The following TRIO variants were observed in gnomAD, a reference collection of about 807,000 sequenced individuals.
TRIO encodes triple functional domain protein.
Under a neutral mutation model 351.9 loss-of-function variants are expected in TRIO, and 58 were observed. The observed-to-expected ratio is 0.16, with a 90% CI of 0.13 to 0.21. The LOEUF (loss-of-function observed/expected upper bound fraction) is 0.21. Ranked by LOEUF, TRIO falls within the 10% of genes least tolerant of loss-of-function variation. The pLI is 1.00. For synonymous variants in TRIO, 1,758 were observed against 1,595.7 expected, an observed-to-expected ratio of 1.10 and a Z score of -2.42; for missense variants, 3,201 against 4,027.8, an observed-to-expected ratio of 0.79 and a Z score of 5.56.
intron 1 of TRIO, among the ~76,000 whole-genome samples, chr5:14,240,458 C>T (rs1794060257): frequency 1.3e-5 from 2 of 152,238 alleles, no homozygotes; most frequent in Middle Eastern, 3.4e-3. Flanking sequence ...AGCTGTTTTC[C>T]CGTTCTTTTA....
intron 1 of TRIO, among the ~76,000 whole-genome samples, chr5:14,146,411 C>T (rs1028031992): frequency 6.6e-6 from 1 of 152,250 alleles, no homozygotes; most frequent in Non-Finnish European, 1.5e-5. Context: ...TTTCCTTTCT[C>T]AGCCCTGAAA....
rs781081298 is a variant in TRIO at position 14,487,764 on chromosome 5, C to A, written c.7136C>A (p.Pro2379His). The A allele has an allele frequency of 1.1e-5, 15 of 1,376,696 alleles. No homozygotes were observed. The highest frequency in any genetic ancestry group is 1.3e-5 in the Non-Finnish European group (14 of 1,061,906). The allele number at this position is 1,376,696 out of a possible 1,614,324, so 85.3% of individuals were successfully genotyped here. ...TSTPGPSLPP[P>H]GAAPEAGPSA... ...ACCCCCGGGCCCTCCCTGCCTCCCC[C>A]TGGCGCGGCCCCCGAGGCCGGCCCC... Residue 2379 changes from proline to histidine, a missense_variant, in exon 48 of 57, where the codon CCT (proline) becomes CAT (histidine). Physicochemically the swap from Pro to His is moderately conservative, Grantham distance 77. Coordinates refer to ENST00000344204, the MANE Select transcript of TRIO (RefSeq NM_007118.4).
intron 1 of TRIO, among the ~76,000 whole-genome samples, chr5:14,255,532 G>A (rs1038104506): frequency 1.2e-4 from 18 of 152,302 alleles, no homozygotes; most frequent in African/African-American, 3.4e-4. Flanking sequence ...ACGGGAGAAC[G>A]CAAGTACAGT....
intron 2 of TRIO, among the ~76,000 whole-genome samples, chr5:14,278,559 A>T (rs1735734015): frequency 6.6e-6 from 1 of 152,260 alleles, no homozygotes; most frequent in South Asian, 2.1e-4. Context: ...TATTTTTAAT[A>T]ATTCAAGTTT....
chr5:14,218,636 G>A (rs1274315014), intron 1 of TRIO, among the ~76,000 whole-genome samples: 1 of 152,330 alleles, frequency 6.6e-6, no homozygotes, highest in Non-Finnish European at 1.5e-5. Flanking sequence ...GCTGGAGCAG[G>A]GGCCCCTCCC....
At chr5:14,502,304 TATTTA>T (rs1385192515) in intron 53 of TRIO, among the ~76,000 whole-genome samples, 4 of 152,222 alleles carry the variant, frequency 2.6e-5, no homozygotes, top group South Asian at 2.1e-4. Context: ...TACTAACATG[TATTTA>T]ATTTAATGAA....
intron 1 of TRIO, among the ~76,000 whole-genome samples, chr5:14,182,252 G>A (rs1349959134): frequency 6.6e-6 from 1 of 152,212 alleles, no homozygotes; most frequent in Non-Finnish European, 1.5e-5. Flanking sequence ...GGCTCAGGGA[G>A]AGAGAGTGCA....
At chr5:14,161,763 G>A (rs1423844132) in intron 1 of TRIO, among the ~76,000 whole-genome samples, 1 of 152,194 alleles carries the variant, frequency 6.6e-6, no homozygotes, top group Non-Finnish European at 1.5e-5. Context: ...GTCTCACCCT[G>A]TCACCCAGGC....
intron 10 of TRIO, among the ~76,000 whole-genome samples, chr5:14,332,408 G>A (rs751252401): frequency 2.0e-5 from 3 of 152,170 alleles, no homozygotes; most frequent in Non-Finnish European, 4.4e-5. Flanking sequence ...CTTTTGCAAG[G>A]AGGATAACTG....
intron 8 of TRIO, among the ~76,000 whole-genome samples, chr5:14,308,719 G>GTGCATCCA (rs1554052771): frequency 5.9e-4 from 74 of 125,092 alleles, no homozygotes; most frequent in African/African-American, 2.6e-3. Flanking sequence ...CCATTCATTT[G>GTGCATCCA]TCCATCCATC....
intron 33 of TRIO, chr5:14,418,693 A>T (rs1407151990): frequency 6.5e-6 from 1 of 153,058 alleles, no homozygotes; most frequent in Non-Finnish European, 1.5e-5. Flanking sequence ...GCTCGGGAGG[A>T]GTCAGCTTGA....
intron 34 of TRIO, among the ~76,000 whole-genome samples, chr5:14,446,226 TAAC>T (rs1752430785): frequency 6.6e-6 from 1 of 152,068 alleles, no homozygotes; most frequent in Admixed American, 6.5e-5. Flanking sequence ...CAGGAAGACT[TAAC>T]AACAGGAAGG....
intron 44 of TRIO, 78 bp from the exon 45 acceptor site, chr5:14,481,463 C>T (rs569897822): frequency 4.6e-5 from 71 of 1,551,312 alleles, no homozygotes; most frequent in Non-Finnish European, 1.8e-6. Context: ...AACAGAACTT[C>T]ATCAGGTCAG....
At chr5:14,371,988 T>C (rs2152346348) in intron 18 of TRIO, among the ~76,000 whole-genome samples, 1 of 152,242 alleles carries the variant, frequency 6.6e-6, no homozygotes, top group Non-Finnish European at 1.5e-5. Flanking sequence ...TCAAACAGGG[T>C]CCACATATTG....
At chr5:14,441,701 A>C (rs1284116277) in intron 34 of TRIO, among the ~76,000 whole-genome samples, 1 of 152,194 alleles carries the variant, frequency 6.6e-6, no homozygotes, top group African/African-American at 2.4e-5. Flanking sequence ...AAATTGCCTT[A>C]TGATTTTAGT....
chr5:14,374,011 G>A (rs1745347513), intron 18 of TRIO, among the ~76,000 whole-genome samples: 1 of 152,188 alleles, frequency 6.6e-6, no homozygotes, highest in Non-Finnish European at 1.5e-5. Flanking sequence ...CCTCTCTATA[G>A]GGCAGAATGT....
At chr5:14,291,319 G>A (rs1561299329) in intron 5 of TRIO, 91 bp downstream of exon 5, 1 of 1,376,882 alleles carries the variant, frequency 7.3e-7, no homozygotes, top group East Asian at 2.4e-5. Flanking sequence ...GGTGGAGAAT[G>A]GTAAGGCTAT....
At chr5:14,220,209 A>G (rs1391760035) in intron 1 of TRIO, among the ~76,000 whole-genome samples, 3 of 152,088 alleles carry the variant, frequency 2.0e-5, no homozygotes, top group Non-Finnish European at 4.4e-5. Flanking sequence ...GTTACATGTT[A>G]TGGTGATCTC....
intron 38 of TRIO, among the ~76,000 whole-genome samples, chr5:14,471,823 C>T (rs764491089): frequency 1.9e-4 from 29 of 151,938 alleles, no homozygotes; most frequent in Non-Finnish European, 3.1e-4. Context: ...ATTCTTTGAA[C>T]ATACTTTACT....
Sources: gnomAD v4.1 joint callset for allele counts (sites outside exome capture counted in the v4.1 genomes callset) on GRCh38, gnomAD v4.1.1 for gene constraint, MANE v1.5 for transcripts, NCBI Gene and HGNC (gene_info 2026-07-23, HGNC 2026-07-21) for gene names.